CROCC2: variants seen among roughly 807,000 people sequenced by gnomAD.
The protein encoded by CROCC2 is ciliary rootlet coiled-coil, rootletin family member 2, also known as ciliary rootlet coiled-coil protein 2.
Under a neutral mutation model 177.6 loss-of-function variants are expected in CROCC2, and 163 were observed. The ratio of observed to expected loss-of-function variants is 0.92; its 90% CI spans 0.81 to 1.05. The LOEUF is 1.05. CROCC2 is among the 50% of genes least tolerant of loss of function. The pLI is 0.00. For synonymous variants in CROCC2, 904 were observed against 787.3 expected, an observed-to-expected ratio of 1.15 and a Z score of -2.48; for missense variants, 1,929 against 1,797.8, an observed-to-expected ratio of 1.07 and a Z score of -1.32.
intron 15 of CROCC2, among the ~76,000 whole-genome samples, chr2:240,948,283 G>A (rs1327892883): frequency 2.0e-5 from 3 of 152,110 alleles, no homozygotes; most frequent in Non-Finnish European, 4.4e-5. Context: ...CAGAAGGCTT[G>A]GATGTGCTCT....
rs1226717915 is a variant in CROCC2 at position 240,989,818 on chromosome 2, G to T, written c.4848G>T (p.Lys1616Asn). 6 of 1,543,030 alleles carry T rather than the reference G, an allele frequency of 3.9e-6. No homozygotes were observed. In the African/African-American group the frequency reaches 6.9e-5, roughly 18 times the overall value. The change falls in exon 30 of 32, where the codon AAG (lysine) becomes AAT (asparagine). Residue 1616 changes from lysine to asparagine, a missense_variant. Coordinates refer to ENST00000690015, the MANE Select transcript of CROCC2 (RefSeq NM_001351305.2). ...SQEWTHQQQV[K>N]VLEEQVASLK... ...AATGGACCCACCAGCAGCAGGTAAA[G>T]GTGCTGGAAGAGCAGGTAAGGTCGG...
chr2:240,959,353 A>G lies in CROCC2; in HGVS notation c.2996A>G (p.Glu999Gly). The G allele has an allele frequency of 2.6e-6, 4 of 1,550,534 alleles. No individual in the cohort carries two copies. Among genetic ancestry groups the G allele is most frequent in the Non-Finnish European group, 3.5e-6 (4 of 1,146,954 alleles). ...EELKALQAQF[E>G]DAITAHQRET... is the part of the protein sequence containing the mutation. Reference sequence around the variant, plus strand: ...CTGAAGGCCCTCCAGGCCCAGTTTGAGGATGCCATCACAGCCCATCAGAGG... The same window carrying G: ...CTGAAGGCCCTCCAGGCCCAGTTTGGGGATGCCATCACAGCCCATCAGAGG... The change falls in exon 20 of 32, where the codon GAG becomes GGG. Residue 999 changes from glutamate (E) to glycine (G), a missense_variant. Coordinates refer to ENST00000690015, the MANE Select transcript of CROCC2 (RefSeq NM_001351305.2).
Position 240,989,690 on chromosome 2 carries a change from C to T in CROCC2, c.4720C>T (p.Arg1574Trp), listed in dbSNP as rs538844163. Residue 1574 changes from arginine to tryptophan, a missense_variant, in exon 30 of 32, where the codon CGG (arginine) becomes TGG (tryptophan). Arg to Trp is a moderately radical substitution (Grantham distance 101). Around this residue, in one of 3 missense-constraint regions of CROCC2, gnomAD observed 388 missense variants for 352.7 expected, o/e 1.10. Transcript: ENST00000690015. Reference sequence around the variant, plus strand: ...AGAGATGGAGCAGGCCCACACCCAGCGGCTCCAGGACCTGACAGCTCAGCA... The same window carrying T: ...AGAGATGGAGCAGGCCCACACCCAGTGGCTCCAGGACCTGACAGCTCAGCA... The part of the protein sequence containing the change: ...MTEMEQAHTQ[R>W]LQDLTAQHQR... The T allele has an allele frequency of 1.2e-4, 184 of 1,549,460 alleles. No individual in the cohort carries two copies. Among genetic ancestry groups the T allele is most frequent in the Non-Finnish European group, 1.5e-4 (176 of 1,146,206 alleles).
chr2:240,974,483 AGGCACAT>A (rs2059745444), intron 27 of CROCC2, among the ~76,000 whole-genome samples: 3 of 148,924 alleles, frequency 2.0e-5, no homozygotes, highest in South Asian at 4.3e-4. Flanking sequence ...CTGGGACTAC[AGGCACAT>A]GCCACTACAC....
Position 240,955,949 on chromosome 2 carries a change from C to A in CROCC2, c.2920C>A (p.Gln974Lys). 1 of 1,534,598 alleles carries A rather than the reference C, an allele frequency of 6.5e-7. No homozygotes were observed. Among genetic ancestry groups the A allele is most frequent in the Non-Finnish European group, 8.7e-7 (1 of 1,146,874 alleles). Residue 974 changes from glutamine to lysine, a missense_variant, in exon 19 of 32, where the codon CAG (glutamine) becomes AAG (lysine). By Grantham distance (53) the Gln-to-Lys change is moderately conservative. Coordinates refer to ENST00000690015, the MANE Select transcript of CROCC2 (RefSeq NM_001351305.2). ...GCTAGAGCGGGTACAGCAGGAGGCA[C>A]AGAGCCAGCAGGAGCAAGCGCAGGT... ...RTLERVQQEA[Q>K]SQQEQAQATI...
chr2:240,991,211 G>A lies in CROCC2; in HGVS notation c.4879G>A (p.Glu1627Lys). 1.3e-6 allele frequency: 2 copies of A among 1,546,550 alleles called. No homozygotes were observed. Among genetic ancestry groups the A allele is most frequent in the South Asian group, 2.4e-5 (2 of 82,950 alleles). The change falls in exon 31 of 32, where the codon GAG becomes AAG. Residue 1627 changes from glutamate (E) to lysine (K), a missense_variant. Transcript: ENST00000690015. ...VLEEQVASLK[E>K]QLDQEVQWRQ... The stretch of plus-strand genomic sequence containing the variant: ...CTGTCCCCAGGTGGCCAGCCTGAAG[G>A]AGCAACTGGACCAGGAAGTGCAGTG...
At chr2:240,985,942 G>C in intron 28 of CROCC2, 1 of 456,526 alleles carries the variant, frequency 2.2e-6, no homozygotes, top group Non-Finnish European at 4.4e-6. Flanking sequence ...CAGCCCACGG[G>C]GTGGCCTCAC....
chr2:240,971,391 T>A (rs13413961), intron 27 of CROCC2, among the ~76,000 whole-genome samples: 8,339 of 152,248 alleles, frequency 0.055, 517 homozygotes, highest in East Asian at 0.25. Flanking sequence ...TCCATGCCGC[T>A]GGTTTGATGG....
At chr2:240,968,812 A>AG (rs1204899541) in intron 27 of CROCC2, among the ~76,000 whole-genome samples, 1 of 152,138 alleles carries the variant, frequency 6.6e-6, no homozygotes, top group Non-Finnish European at 1.5e-5. Context: ...TTTTCAGGTG[A>AG]GGAGCCTGGG....
intron 27 of CROCC2, among the ~76,000 whole-genome samples, chr2:240,970,582 G>T (rs1003794193): frequency 6.6e-6 from 1 of 152,228 alleles, no homozygotes; most frequent in African/African-American, 2.4e-5. Context: ...CCCTCCAGGG[G>T]CCGAGGGTCT....
At chr2:240,985,641 T>C (rs1186514494) in intron 28 of CROCC2, among the ~76,000 whole-genome samples, 5 of 69,364 alleles carry the variant, frequency 7.2e-5, no homozygotes, top group Admixed American at 3.7e-4. Flanking sequence ...ACCCAGGCAC[T>C]CACTCCACAC....
chr2:240,964,648 A>G (rs1347991240), intron 22 of CROCC2, 23 bp downstream of exon 22: 1 of 1,543,898 alleles, frequency 6.5e-7, no homozygotes. Context: ...GGAGGGGTCA[A>G]CATCCAACCA....
chr2:240,930,177 G>A lies in CROCC2; in HGVS notation c.657G>A (p.Gly219=), dbSNP rs2059418359. 5.4e-6 allele frequency: 3 copies of A among 558,084 alleles called. No individual in the cohort carries two copies. The highest frequency in any genetic ancestry group is 9.8e-6 in the Non-Finnish European group (3 of 306,508). 34.6% of individuals were successfully genotyped at this position (558,084 alleles called of 1,614,324 possible). A position where few individuals can be genotyped will look rare whatever the true frequency, so the allele number is the denominator to read the frequency against. ...CCTCTTGCTTTCAGACCCGGTCAGG[G>A]GGCCTGGGGCAGCCCCGGGACCTCC... is the stretch of plus-strand genomic sequence containing the variant. The part of the protein sequence containing the change: ...RRWAQRQTRS[G]GLGQPRDLLL... Residue 219 remains glycine, a synonymous_variant, in exon 6 of 32, where the codon GGG becomes GGA. Transcript: ENST00000690015.
At chr2:240,934,890 C>G in intron 12 of CROCC2, 26 bp from the exon 13 acceptor site, 1 of 1,473,206 alleles carries the variant, frequency 6.8e-7, no homozygotes, top group Non-Finnish European at 9.0e-7. Flanking sequence ...GAAGGTCCCT[C>G]CCTGGCATCC....
At chr2:240,966,432 C>T (rs111291407) in intron 25 of CROCC2, 23 bp downstream of exon 25, 5 of 400,076 alleles carry the variant, frequency 1.2e-5, no homozygotes, top group East Asian at 7.1e-5. Flanking sequence ...GGGGTCCTCC[C>T]GCCCACGGCG....
At chr2:240,991,016 C>T (rs2059875969) in intron 30 of CROCC2, among the ~76,000 whole-genome samples, 180 bp from the exon 31 acceptor site, 1 of 152,246 alleles carries the variant, frequency 6.6e-6, no homozygotes, top group African/African-American at 2.4e-5. Flanking sequence ...CCCTCTCTGG[C>T]AGCAAAGGAG....
intron 1 of CROCC2, among the ~76,000 whole-genome samples, chr2:240,913,605 G>A (rs1002706189): frequency 4.6e-5 from 7 of 152,188 alleles, no homozygotes; most frequent in East Asian, 3.9e-4. Context: ...GTGCCTAGCC[G>A]GCCGGGGTCC....
rs1031244603 is a variant in CROCC2, at chr2:240,953,688, A to G, written c.2830-2171A>G. ...GGGGTCTAGCAGGACACTTCCCCAC[A>G]CTTCCCTGAGGAACCTGTGATGACC... On this transcript the variant is annotated intron_variant, in intron 18 of 31. Coordinates refer to ENST00000690015, the MANE Select transcript of CROCC2 (RefSeq NM_001351305.2). This position sits in a 1 kb window ranked among gnomAD's most constrained non-coding sequence, Gnocchi z 4.0. 2.0e-5 allele frequency among the ~76,000 whole-genome samples: 3 copies of G among 152,180 alleles called. No homozygotes were observed. Among genetic ancestry groups the G allele is most frequent in the African/African-American group, 7.2e-5 (3 of 41,434 alleles).
chr2:240,910,511 G>A (rs111634817), intron 1 of CROCC2, among the ~76,000 whole-genome samples: 14 of 152,278 alleles, frequency 9.2e-5, no homozygotes, highest in African/African-American at 3.1e-4. Flanking sequence ...TGCAGGATCC[G>A]TGGGGTAACC....
Sources: gnomAD v4.1 joint callset for allele counts (sites outside exome capture counted in the v4.1 genomes callset) on GRCh38, gnomAD v4.1.1 for gene constraint, gnomAD v4.1.1 regional missense constraint, Gnocchi (gnomAD v3.1) non-coding constraint, MANE v1.5 for transcripts, NCBI Gene and HGNC (gene_info 2026-07-23, HGNC 2026-07-21) for gene names.